The following PRKD1 variants were observed in gnomAD, a reference collection of about 807,000 sequenced individuals.
PRKD1 encodes serine/threonine-protein kinase D1.
PRKD1 carries 63 observed loss-of-function variants against 95.9 expected under a neutral mutation model. That is an observed-to-expected ratio of 0.66 (90% CI 0.54 to 0.81). PRKD1 has a LOEUF of 0.81. Ranked by LOEUF, PRKD1 falls within the 30% of genes least tolerant of loss-of-function variation. PRKD1 has a pLI of 0.00. For missense variants in PRKD1, 1,048 were observed against 1,165.3 expected (o/e 0.90, Z 1.47); for synonymous variants, 425 against 423.1 (o/e 1.00, Z -0.05).
At chr14:29,662,491 T>C (rs556331276) in intron 4 of PRKD1, among the ~76,000 whole-genome samples, 73 of 152,276 alleles carry the variant, frequency 4.8e-4, no homozygotes, top group African/African-American at 1.7e-3. Flanking sequence ...TTCTTCTAGT[T>C]ATTGGTGAAA....
At chr14:29,700,637 T>G (rs559871131) in intron 2 of PRKD1, among the ~76,000 whole-genome samples, 1 of 152,210 alleles carries the variant, frequency 6.6e-6, no homozygotes, top group Admixed American at 6.5e-5. Context: ...GCTCCAGATA[T>G]CTGGTCAAAC....
intron 9 of PRKD1, among the ~76,000 whole-genome samples, chr14:29,632,337 GT>G (rs1289581301): frequency 1.3e-5 from 2 of 151,418 alleles, no homozygotes; most frequent in East Asian, 1.9e-4. Context: ...TCTCTATGAA[GT>G]TTTTTTTGGA....
intron 1 of PRKD1, among the ~76,000 whole-genome samples, chr14:29,826,210 A>G (rs2139280310): frequency 8.1e-6 from 1 of 122,832 alleles, no homozygotes; most frequent in African/African-American, 3.0e-5. Context: ...TGGAATATAT[A>G]TATACATATA....
intron 13 of PRKD1, among the ~76,000 whole-genome samples, chr14:29,614,427 AATT>A (rs1433268390): frequency 6.6e-6 from 1 of 152,148 alleles, no homozygotes; most frequent in Non-Finnish European, 1.5e-5. Context: ...AAAGGAATAA[AATT>A]ATTTCTGAGC....
intron 1 of PRKD1, among the ~76,000 whole-genome samples, chr14:29,806,004 C>T (rs950373930): frequency 2.6e-5 from 4 of 152,066 alleles, no homozygotes; most frequent in African/African-American, 9.7e-5. Flanking sequence ...GAAGAGTGTA[C>T]TGTAGTAGTG....
chr14:29,777,201 T>C (rs1490135182), intron 1 of PRKD1, among the ~76,000 whole-genome samples: 1 of 152,122 alleles, frequency 6.6e-6, no homozygotes, highest in Non-Finnish European at 1.5e-5. Flanking sequence ...TGCCAAATTG[T>C]AAAGATCATC....
chr14:29,887,290 C>T (rs909435325), intron 1 of PRKD1, among the ~76,000 whole-genome samples: 1 of 152,112 alleles, frequency 6.6e-6, no homozygotes, highest in Non-Finnish European at 1.5e-5. Context: ...CAAAGATGGT[C>T]AAGTCTAGAG....
At chr14:29,743,484 G>C (rs1483876735) in intron 1 of PRKD1, among the ~76,000 whole-genome samples, 1 of 152,132 alleles carries the variant, frequency 6.6e-6, no homozygotes, top group Non-Finnish European at 1.5e-5. Flanking sequence ...AAAAAATTTT[G>C]ATGTCTCACT....
intron 4 of PRKD1, among the ~76,000 whole-genome samples, chr14:29,639,524 C>T (rs1327251024): frequency 6.6e-6 from 1 of 152,076 alleles, no homozygotes; most frequent in Non-Finnish European, 1.5e-5. Context: ...TATGCTGAAG[C>T]AGGAGAATTG....
chr14:29,811,284 C>G (rs999609370), intron 1 of PRKD1, among the ~76,000 whole-genome samples: 6 of 152,166 alleles, frequency 3.9e-5, no homozygotes, highest in Non-Finnish European at 7.4e-5. Flanking sequence ...GTTCTACCCC[C>G]ACATGCGCAC....
intron 1 of PRKD1, among the ~76,000 whole-genome samples, chr14:29,846,460 A>C (rs1377571992): frequency 6.6e-6 from 1 of 152,152 alleles, no homozygotes; most frequent in East Asian, 1.9e-4. Flanking sequence ...GGGCTCAATG[A>C]GTGCAAAAGC....
At chr14:29,585,942 C>T (rs1408449860) in intron 16 of PRKD1, among the ~76,000 whole-genome samples, 1 of 152,176 alleles carries the variant, frequency 6.6e-6, no homozygotes, top group African/African-American at 2.4e-5. Context: ...TTGAGCATGA[C>T]TGTGCTAAGT....
intron 1 of PRKD1, among the ~76,000 whole-genome samples, chr14:29,921,059 C>T (rs145302368): frequency 6.6e-6 from 1 of 152,266 alleles, no homozygotes; most frequent in African/African-American, 2.4e-5. Context: ...AATGTTGCAC[C>T]TTTATCTATT....
intron 1 of PRKD1, among the ~76,000 whole-genome samples, chr14:29,741,769 T>TAAA (rs1886988807): frequency 6.6e-6 from 1 of 152,206 alleles, no homozygotes; most frequent in Non-Finnish European, 1.5e-5. Flanking sequence ...ACTTCCATTT[T>TAAA]GTTAATTTTA....
intron 2 of PRKD1, among the ~76,000 whole-genome samples, chr14:29,693,369 C>T (rs2139303830): frequency 6.6e-6 from 1 of 152,132 alleles, no homozygotes; most frequent in African/African-American, 2.4e-5. Context: ...TGGGTCTTAT[C>T]AGTCCATTTA....
intron 4 of PRKD1, among the ~76,000 whole-genome samples, chr14:29,659,007 T>G (rs1343908816): frequency 1.3e-5 from 2 of 152,172 alleles, no homozygotes; most frequent in African/African-American, 2.4e-5. Flanking sequence ...TTTAAAACAC[T>G]TTTACTGAGG....
At chr14:29,618,075 C>T (rs1878988293) in intron 13 of PRKD1, among the ~76,000 whole-genome samples, 1 of 151,902 alleles carries the variant, frequency 6.6e-6, no homozygotes, top group Admixed American at 6.6e-5. Flanking sequence ...TCCCAAAAAA[C>T]AAAAAAGCTT....
intron 13 of PRKD1, among the ~76,000 whole-genome samples, chr14:29,619,667 G>T (rs548576278): frequency 6.6e-6 from 1 of 152,216 alleles, no homozygotes; most frequent in South Asian, 2.1e-4. Flanking sequence ...GGAGAAGGGG[G>T]TTTGGACTGC....
intron 1 of PRKD1, among the ~76,000 whole-genome samples, chr14:29,797,613 T>C (rs983972023): frequency 1.3e-5 from 2 of 152,156 alleles, no homozygotes; most frequent in African/African-American, 4.8e-5. Context: ...TAATTCAAAC[T>C]ACCCAAGGGT....
Sources: gnomAD v4.1 joint callset for allele counts (sites outside exome capture counted in the v4.1 genomes callset) on GRCh38, gnomAD v4.1.1 for gene constraint, MANE v1.5 for transcripts, NCBI Gene and HGNC (gene_info 2026-07-23, HGNC 2026-07-21) for gene names.